The following LRRTM4 variants were observed in gnomAD, a reference collection of about 807,000 sequenced individuals.
LRRTM4 encodes leucine rich repeat transmembrane neuronal 4.
A neutral mutation model predicts 47.6 loss-of-function variants in LRRTM4; 25 were observed. The observed-to-expected ratio is 0.53, with a 90% CI of 0.38 to 0.73. The LOEUF (loss-of-function observed/expected upper bound fraction) is 0.73, where lower values mean the gene tolerates loss of function less well. LRRTM4 is among the 30% of genes least tolerant of loss of function. The pLI is 0.00. For missense variants in LRRTM4, 638 were observed against 713.4 expected, an observed-to-expected ratio of 0.89 and a Z score of 1.20; for synonymous variants, 311 against 269.5, an observed-to-expected ratio of 1.15 and a Z score of -1.51.
chr2:77,169,142 G>A (rs560035263), intron 3 of LRRTM4, among the ~76,000 whole-genome samples: 9 of 152,020 alleles, frequency 5.9e-5, no homozygotes, highest in Non-Finnish European at 8.8e-5. Flanking sequence ...AAAGCTGAAC[G>A]CCTTTCCTAT....
In LRRTM4 at chr2:77,519,297, T is replaced by C. The variant is rs1448389287; in HGVS notation, c.572A>G (p.Asn191Ser). The C allele has an allele frequency of 2.5e-6, 4 of 1,613,326 alleles. No individual in the cohort carries two copies. Among genetic ancestry groups the C allele is most frequent in the African/African-American group, 1.3e-5 (1 of 74,866 alleles). The change falls in exon 3 of 4, where the codon AAT becomes AGT. Residue 191 changes from asparagine to serine, a missense_variant. Asn to Ser is a conservative substitution (Grantham distance 46). Transcript: ENST00000409884. The surrounding 1 kb of genome is among the most constrained non-coding windows in gnomAD (Gnocchi z 4.6). ...ATTTCGGGACAAGCTTCGAAGACGA[T>C]TGTAACCCAAATCCAAAAAATCAAG... ...RNLDFLDLGY[N>S]RLRSLSRNAF... is the part of the protein sequence containing the mutation.
intron 3 of LRRTM4, among the ~76,000 whole-genome samples, chr2:76,845,992 C>T (rs1029763059): frequency 7.9e-5 from 12 of 152,028 alleles, no homozygotes; most frequent in African/African-American, 2.9e-4. Context: ...CAACCCAATG[C>T]AGATGGAAAA....
intron 3 of LRRTM4, among the ~76,000 whole-genome samples, chr2:77,361,817 T>C (rs1012597569): frequency 3.9e-5 from 6 of 152,126 alleles, no homozygotes; most frequent in Admixed American, 1.3e-4. Flanking sequence ...AGTACAACCA[T>C]TGACATTTTA....
chr2:77,244,592 C>T lies in LRRTM4; in HGVS notation c.1551+273726G>A, dbSNP rs184895506. 2.6e-5 allele frequency among the ~76,000 whole-genome samples: 4 copies of T among 152,056 alleles called. No individual in the cohort carries two copies. In the East Asian group the frequency reaches 7.7e-4, roughly 29 times the overall value. On this transcript the variant is annotated intron_variant, in intron 3 of 3. Transcript: ENST00000409884. ...TAGCCCCCAAGTATGCCCTCCACCC[C>T]CTCCTGATACTTATGTCCTTATGTC... is the stretch of plus-strand genomic sequence containing the variant.
At chr2:76,764,431 A>T (rs771309499) in intron 3 of LRRTM4, among the ~76,000 whole-genome samples, 3 of 152,260 alleles carry the variant, frequency 2.0e-5, no homozygotes, top group Admixed American at 6.5e-5. Context: ...GGAGATCGAG[A>T]CCATCCTGGC....
intron 3 of LRRTM4, among the ~76,000 whole-genome samples, chr2:76,910,385 T>C (rs1394147081): frequency 5.3e-5 from 8 of 150,224 alleles, no homozygotes; most frequent in South Asian, 2.1e-4. Context: ...TTGGGAGATA[T>C]ACCTAATGCT....
intron 3 of LRRTM4, among the ~76,000 whole-genome samples, chr2:76,750,992 G>T (rs972196178): frequency 6.6e-6 from 1 of 150,484 alleles, no homozygotes; most frequent in African/African-American, 2.4e-5. Flanking sequence ...AGAATAGAAA[G>T]TATCAGAGTA....
intron 3 of LRRTM4, among the ~76,000 whole-genome samples, chr2:77,363,642 AAT>A (rs1378774724): frequency 6.6e-6 from 1 of 152,190 alleles, no homozygotes; most frequent in Non-Finnish European, 1.5e-5. Flanking sequence ...AGAATTGTGA[AAT>A]AAATAGTAAA....
At chr2:77,199,083 G>GT (rs1206631146) in intron 3 of LRRTM4, among the ~76,000 whole-genome samples, 6 of 151,964 alleles carry the variant, frequency 3.9e-5, no homozygotes, top group Admixed American at 6.6e-5. Context: ...ACTTTCCTGT[G>GT]TTTTTCTGAT....
intron 3 of LRRTM4, among the ~76,000 whole-genome samples, chr2:77,029,052 A>AAT (rs1182040448): frequency 0.02 from 2,821 of 140,506 alleles, 63 homozygotes; most frequent in East Asian, 0.052. Context: ...CACACACACA[A>AAT]ATATATATAT....
At chr2:76,895,753 G>C (rs888258628) in intron 3 of LRRTM4, among the ~76,000 whole-genome samples, 1 of 151,378 alleles carries the variant, frequency 6.6e-6, no homozygotes, top group Non-Finnish European at 1.5e-5. Flanking sequence ...CATTGGTGGT[G>C]ATGAGCCCAA....
chr2:77,415,299 G>A lies in LRRTM4; in HGVS notation c.1551+103019C>T, dbSNP rs190543037. ...CTCTTAGAGAAATACATTTCTTCAT[G>A]CTAATAATTATTCATTTTTACTGTA... On this transcript the variant is annotated intron_variant, in intron 3 of 3. Coordinates refer to ENST00000409884, the MANE Select transcript of LRRTM4 (RefSeq NM_001134745.3). Among the ~76,000 whole-genome samples the A allele has an allele frequency of 2.0e-4, 30 of 152,150 alleles. No homozygotes were observed. The East Asian group carries it at 5.6e-3, about 28-fold the overall frequency.
intron 3 of LRRTM4, among the ~76,000 whole-genome samples, chr2:76,856,732 T>C (rs1672163083): frequency 6.6e-6 from 1 of 152,134 alleles, no homozygotes; most frequent in Non-Finnish European, 1.5e-5. Flanking sequence ...TTCTTTCCCT[T>C]ATATGTCATT....
chr2:77,163,325 T>C (rs1374347340), intron 3 of LRRTM4, among the ~76,000 whole-genome samples: 1 of 152,122 alleles, frequency 6.6e-6, no homozygotes, highest in Non-Finnish European at 1.5e-5. Context: ...TATGGGACTA[T>C]GTGGAAAGAA....
intron 3 of LRRTM4, among the ~76,000 whole-genome samples, chr2:77,231,765 G>A (rs1257176891): frequency 1.3e-5 from 2 of 152,014 alleles, no homozygotes; most frequent in Non-Finnish European, 2.9e-5. Context: ...AAAAGAAACC[G>A]AGGAACACTC....
intron 3 of LRRTM4, 102 bp downstream of exon 3, chr2:77,518,216 G>A (rs554632483): frequency 2.2e-6 from 3 of 1,388,384 alleles, no homozygotes; most frequent in African/African-American, 1.5e-5. Flanking sequence ...AAAGCAAAAG[G>A]GTCATTAATC....
At chr2:77,197,039 G>A (rs1359079117) in intron 3 of LRRTM4, among the ~76,000 whole-genome samples, 2 of 151,882 alleles carry the variant, frequency 1.3e-5, no homozygotes, top group African/African-American at 4.8e-5. Flanking sequence ...GAAAGTAGGT[G>A]TTTTTTTCTC....
At chr2:77,426,584 T>C (rs1488130837) in intron 3 of LRRTM4, among the ~76,000 whole-genome samples, 1 of 152,150 alleles carries the variant, frequency 6.6e-6, no homozygotes, top group African/African-American at 2.4e-5. Context: ...AAGTAATTGA[T>C]TCATGGAGCA....
chr2:77,143,017 G>C (rs1443699496), intron 3 of LRRTM4, among the ~76,000 whole-genome samples: 1 of 152,078 alleles, frequency 6.6e-6, no homozygotes, highest in Non-Finnish European at 1.5e-5. Flanking sequence ...TAAACAAAAT[G>C]AGACACAAAG....
Sources: allele counts gnomAD v4.1 joint callset (sites outside exome capture counted in the v4.1 genomes callset), GRCh38; gene constraint gnomAD v4.1.1; non-coding constraint Gnocchi (gnomAD v3.1); transcripts MANE v1.5; gene names NCBI Gene and HGNC (gene_info 2026-07-23, HGNC 2026-07-21).